HS3ST4: variants seen among roughly 807,000 people sequenced by gnomAD.
HS3ST4 encodes the protein heparan sulfate-glucosamine 3-sulfotransferase 4, also known as heparan sulfate glucosamine 3-O-sulfotransferase 4.
In HS3ST4, 17 loss-of-function variants were observed where a neutral mutation model predicts 29.2. The ratio of observed to expected loss-of-function variants is 0.58; its 90% CI spans 0.40 to 0.87. The LOEUF is 0.87. HS3ST4 is among the 40% of genes least tolerant of loss of function. HS3ST4 has a pLI of 0.00. For missense variants in HS3ST4, 627 were observed against 634.5 expected (o/e 0.99, Z 0.13); for synonymous variants, 314 against 285.7 (o/e 1.10, Z -1.00).
At chr16:25,888,455 G>T (rs146071101) in intron 1 of HS3ST4, among the ~76,000 whole-genome samples, 1 of 152,034 alleles carries the variant, frequency 6.6e-6, no homozygotes, top group African/African-American at 2.4e-5. Flanking sequence ...TCCTTTCTCC[G>T]CAGTCACCCC....
intron 1 of HS3ST4, among the ~76,000 whole-genome samples, chr16:26,070,471 C>T (rs1453229746): frequency 6.6e-6 from 1 of 152,170 alleles, no homozygotes; most frequent in Non-Finnish European, 1.5e-5. Context: ...CTGCACTTGG[C>T]ACAGTTCAGC....
intron 1 of HS3ST4, among the ~76,000 whole-genome samples, chr16:25,828,337 T>TCTCC (rs1967257141): frequency 7.3e-6 from 1 of 136,832 alleles, no homozygotes; most frequent in Non-Finnish European, 1.6e-5. Context: ...TCTCTCTCTC[T>TCTCC]CTTTCTCCCT....
intron 1 of HS3ST4, among the ~76,000 whole-genome samples, chr16:25,985,293 T>C (rs79590629): frequency 0.058 from 8,900 of 152,208 alleles, 386 homozygotes; most frequent in South Asian, 0.17. Context: ...AGGATGAGTT[T>C]CAGAGAAGCT....
chr16:26,100,234 T>A (rs1898975017), intron 1 of HS3ST4, among the ~76,000 whole-genome samples: 1 of 152,118 alleles, frequency 6.6e-6, no homozygotes, highest in Non-Finnish European at 1.5e-5. Flanking sequence ...CCCAAACTTT[T>A]GCATCACACA....
intron 1 of HS3ST4, among the ~76,000 whole-genome samples, chr16:25,979,116 C>T (rs977137084): frequency 2.0e-5 from 3 of 151,978 alleles, no homozygotes; most frequent in African/African-American, 4.8e-5. Flanking sequence ...AGGCTGGTCT[C>T]GAACTCCGGA....
At chr16:25,856,709 G>A (rs998952683) in intron 1 of HS3ST4, among the ~76,000 whole-genome samples, 2 of 152,162 alleles carry the variant, frequency 1.3e-5, no homozygotes, top group African/African-American at 2.4e-5. Flanking sequence ...TTTGTGTTGG[G>A]CTGCATTCAA....
intron 1 of HS3ST4, among the ~76,000 whole-genome samples, chr16:26,011,509 G>A (rs558625646): frequency 6.6e-6 from 1 of 152,262 alleles, no homozygotes; most frequent in East Asian, 1.9e-4. Context: ...GCAGTGAGCT[G>A]AGATCGTGCC....
intron 1 of HS3ST4, among the ~76,000 whole-genome samples, chr16:26,132,472 AGCCTTCTGCAAT>A (rs149268261): frequency 0.012 from 1,778 of 152,242 alleles, 35 homozygotes; most frequent in African/African-American, 0.04. Context: ...CTGTCTCCAA[AGCCTTCTGCAAT>A]GCCTTCTCTT....
At position 25,759,137 on chromosome 16, in the gene HS3ST4, A is replaced by G. The variant is rs138836891; in HGVS notation, c.734+65986A>G. On this transcript the variant is annotated intron_variant, in intron 1 of 1. Coordinates refer to ENST00000331351, the MANE Select transcript of HS3ST4 (RefSeq NM_006040.3). ...ATGGCTCAGAGATAGTTTGCTTAGAATAGGAATGGAGGGGCTGCAGTCATT... is the reference window on the plus strand; with the variant it reads ...ATGGCTCAGAGATAGTTTGCTTAGAGTAGGAATGGAGGGGCTGCAGTCATT... Among the ~76,000 whole-genome samples the G allele has an allele frequency of 6.8e-4, 103 of 152,334 alleles. No homozygotes were observed. In the East Asian group the frequency reaches 0.017, roughly 26 times the overall value.
rs530394008 is a variant in HS3ST4, at chr16:25,921,766, T to C, written c.735-213846T>C. ...CTTCTAAGTTTTTTTTTTCTTTTTTTTTTTTTGAGACAGGGTTCTGCTCTG... is the reference window on the plus strand; with the variant it reads ...CTTCTAAGTTTTTTTTTTCTTTTTTCTTTTTTGAGACAGGGTTCTGCTCTG... On this transcript the variant is annotated intron_variant, in intron 1 of 1. Coordinates refer to ENST00000331351, the MANE Select transcript of HS3ST4 (RefSeq NM_006040.3). Among the ~76,000 whole-genome samples the C allele has an allele frequency of 3.4e-3, 520 of 151,908 alleles. 1 individual carries two copies. Among genetic ancestry groups the C allele is most frequent in the Non-Finnish European group, 5.7e-3 (384 of 67,952 alleles).
chr16:25,877,830 C>T (rs1040821854), intron 1 of HS3ST4, among the ~76,000 whole-genome samples: 1 of 152,266 alleles, frequency 6.6e-6, no homozygotes, highest in Non-Finnish European at 1.5e-5. Context: ...TGTCTTTGTT[C>T]ACTGATTTCA....
chr16:26,106,646 A>G (rs1479906002), intron 1 of HS3ST4, among the ~76,000 whole-genome samples: 2 of 152,216 alleles, frequency 1.3e-5, no homozygotes, highest in Non-Finnish European at 2.9e-5. Flanking sequence ...AGAATACTTG[A>G]CAATGATGGT....
chr16:26,100,363 G>T lies in HS3ST4; in HGVS notation c.735-35249G>T, dbSNP rs78458930. Among the ~76,000 whole-genome samples, 813 of 152,250 alleles carry T rather than the reference G, an allele frequency of 5.3e-3. 7 individuals carry two copies. Among genetic ancestry groups the T allele is most frequent in the African/African-American group, 0.019 (783 of 41,546 alleles). On this transcript the variant is annotated intron_variant, in intron 1 of 1. Transcript: ENST00000331351. The stretch of plus-strand genomic sequence containing the variant: ...AAAAAGAAAGAAAATTTGTGAATAC[G>T]AAATGTTGGGTGCTTCCTTCAGGGT...
intron 1 of HS3ST4, among the ~76,000 whole-genome samples, chr16:25,926,466 G>A (rs113268655): frequency 0.078 from 11,831 of 152,308 alleles, 581 homozygotes; most frequent in Non-Finnish European, 0.096. Context: ...AGAACAGTCT[G>A]TGTATGACTG....
At chr16:26,123,217 T>C (rs8063601) in intron 1 of HS3ST4, among the ~76,000 whole-genome samples, 32,968 of 152,144 alleles carry the variant, frequency 0.22, 3,852 homozygotes, top group East Asian at 0.39. Context: ...TCTTTTCTTA[T>C]AAATAAATAA....
intron 1 of HS3ST4, among the ~76,000 whole-genome samples, chr16:26,030,122 A>T (rs978400342): frequency 6.6e-6 from 1 of 152,202 alleles, no homozygotes; most frequent in Non-Finnish European, 1.5e-5. Flanking sequence ...TCTCATCTTC[A>T]TGTGATCACT....
In HS3ST4 at chr16:26,081,066, C is replaced by T. The variant is rs563873246; in HGVS notation, c.735-54546C>T. On this transcript the variant is annotated intron_variant, in intron 1 of 1. Transcript: ENST00000331351. ...CTTTGGAAGGTCAAGGCAGACAGAT[C>T]ACTTGAGCTCAGGAGTTTGAGACCA... Among the ~76,000 whole-genome samples, 5 of 152,228 alleles carry T rather than the reference C, an allele frequency of 3.3e-5. No individual in the cohort carries two copies. The East Asian group carries it at 9.7e-4, about 29-fold the overall frequency.
At chr16:26,129,939 T>C (rs1341631843) in intron 1 of HS3ST4, among the ~76,000 whole-genome samples, 1 of 152,150 alleles carries the variant, frequency 6.6e-6, no homozygotes, top group Non-Finnish European at 1.5e-5. Context: ...CTGACCTGCA[T>C]TCAAAAGTGG....
chr16:26,054,988 A>G (rs892320358), intron 1 of HS3ST4, among the ~76,000 whole-genome samples: 2 of 151,320 alleles, frequency 1.3e-5, no homozygotes, highest in East Asian at 1.9e-4. Flanking sequence ...TAGATGTTCT[A>G]TGGGGAACTG....
Sources: gnomAD v4.1 joint callset for allele counts (sites outside exome capture counted in the v4.1 genomes callset) on GRCh38, gnomAD v4.1.1 for gene constraint, MANE v1.5 for transcripts, NCBI Gene and HGNC (gene_info 2026-07-23, HGNC 2026-07-21) for gene names.